The following PBX3 variants were observed in gnomAD, a reference collection of about 807,000 sequenced individuals.
The protein encoded by PBX3 is PBX homeobox 3, also known as pre-B-cell leukemia transcription factor 3.
Under a neutral mutation model 48.5 loss-of-function variants are expected in PBX3, and 14 were observed. The ratio of observed to expected loss-of-function variants is 0.29; its 90% confidence interval spans 0.19 to 0.45. The LOEUF (loss-of-function observed/expected upper bound fraction) is 0.45, where lower values mean the gene tolerates loss of function less well. Among genes scored for constraint, PBX3 ranks in the 20% least tolerant of loss-of-function variants. The pLI, the probability that PBX3 is intolerant of heterozygous loss-of-function variation, is 1.00. For missense variants in PBX3, 386 were observed against 546.7 expected, an observed-to-expected ratio of 0.71 and a Z score of 2.93; for synonymous variants, 210 against 200.3, an observed-to-expected ratio of 1.05 and a Z score of -0.41.
At chr9:125,856,695 G>A (rs1023274324) in intron 2 of PBX3, among the ~76,000 whole-genome samples, 30 of 152,306 alleles carry the variant, frequency 2.0e-4, no homozygotes, top group African/African-American at 6.0e-4. Context: ...TGATGTCACT[G>A]TTAGACATAA....
chr9:125,884,544 T>C (rs553731550), intron 2 of PBX3, among the ~76,000 whole-genome samples: 1 of 152,342 alleles, frequency 6.6e-6, no homozygotes, highest in Non-Finnish European at 1.5e-5. Context: ...ACTCTCTTGG[T>C]TGAGGAGTTA....
chr9:125,953,875 A>G (rs1842245671), intron 5 of PBX3, among the ~76,000 whole-genome samples: 1 of 96,240 alleles, frequency 1.0e-5, no homozygotes, highest in Non-Finnish European at 2.8e-5. Context: ...CACTCTGCAA[A>G]CTTGGGGGGA....
Position 125,929,635 on chromosome 9 carries a change from A to ATTT in PBX3, c.517-13_517-11dup. The ATTT allele has an allele frequency of 6.4e-7, 1 of 1,551,752 alleles. No individual in the cohort carries two copies. On this transcript the variant is annotated intron_variant, in intron 3 of 8. Coordinates refer to ENST00000373489, the MANE Select transcript of PBX3 (RefSeq NM_006195.6). ...ATAGTAGATAGTTTCCAAAGGAGTG[A>ATTT]TTTTTTTTTCCCATTACAGGCATGT...
intron 2 of PBX3, among the ~76,000 whole-genome samples, chr9:125,893,119 A>G (rs1840689275): frequency 1.3e-5 from 2 of 152,350 alleles, no homozygotes; most frequent in African/African-American, 2.4e-5. Flanking sequence ...TAGCAGCTGT[A>G]AGCAATCCTG....
At chr9:125,793,844 C>T (rs954851429) in intron 2 of PBX3, among the ~76,000 whole-genome samples, 6 of 151,820 alleles carry the variant, frequency 4.0e-5, no homozygotes, top group Admixed American at 6.6e-5. Context: ...AAATGTAATA[C>T]GTTATATTAA....
intron 2 of PBX3, among the ~76,000 whole-genome samples, chr9:125,813,335 T>A (rs1170118995): frequency 6.6e-6 from 1 of 152,066 alleles, no homozygotes; most frequent in Non-Finnish European, 1.5e-5. Context: ...GTAAGTAGGG[T>A]CATGATCATC....
intron 2 of PBX3, among the ~76,000 whole-genome samples, chr9:125,893,126 C>A (rs1002098522): frequency 6.6e-6 from 1 of 152,122 alleles, no homozygotes; most frequent in Non-Finnish European, 1.5e-5. Flanking sequence ...TGTAAGCAAT[C>A]CTGTAGTTCT....
chr9:125,927,237 G>A (rs1488251642), intron 3 of PBX3, among the ~76,000 whole-genome samples: 1 of 152,204 alleles, frequency 6.6e-6, no homozygotes, highest in Non-Finnish European at 1.5e-5. Context: ...TATTAGGTAT[G>A]TATATTGCAT....
chr9:125,928,392 A>ATGTGTGTGTGTGTG (rs112869741), intron 3 of PBX3, among the ~76,000 whole-genome samples: 14 of 140,222 alleles, frequency 1.0e-4, no homozygotes, highest in African/African-American at 2.5e-4. Flanking sequence ...GGGGAAACAA[A>ATGTGTGTGTGTGTG]TGTGTGTGTG....
At position 125,929,770 on chromosome 9, in the gene PBX3, G is replaced by C. The variant is rs1841674359; in HGVS notation, c.632G>C (p.Ser211Thr). The C allele has an allele frequency of 1.2e-6, 2 of 1,613,840 alleles. No homozygotes were observed. The highest frequency in any genetic ancestry group is 2.7e-5 in the African/African-American group (2 of 74,896). ...RMVGIIHRKF[S>T]SIQMQLKQST... ...GTGGGCATCATCCATCGAAAATTTA[G>C]TTCCATTCAGATGCAGCTCAAACAA... The change falls in exon 4 of 9, where the codon AGT becomes ACT. Residue 211 changes from serine (S) to threonine (T), a missense_variant. Physicochemically the swap from Ser to Thr is moderately conservative, Grantham distance 58. Coordinates refer to ENST00000373489, the MANE Select transcript of PBX3 (RefSeq NM_006195.6).
chr9:125,959,779 C>T (rs1842388120), intron 5 of PBX3, among the ~76,000 whole-genome samples: 1 of 152,150 alleles, frequency 6.6e-6, no homozygotes, highest in Non-Finnish European at 1.5e-5. Context: ...TAAACTGTTG[C>T]TTTAATAAAA....
intron 2 of PBX3, among the ~76,000 whole-genome samples, chr9:125,832,438 A>G (rs1466458545): frequency 1.3e-5 from 2 of 151,892 alleles, no homozygotes; most frequent in African/African-American, 2.4e-5. Flanking sequence ...CTCGTGATCC[A>G]CCCGCCTCGG....
chr9:125,787,798 A>G (rs74352067), intron 2 of PBX3, among the ~76,000 whole-genome samples: 3,066 of 152,312 alleles, frequency 0.02, 173 homozygotes, highest in East Asian at 0.17. Flanking sequence ...GGCGGAGTAA[A>G]AGACTGTTAT....
chr9:125,796,570 G>A (rs1195908204), intron 2 of PBX3, among the ~76,000 whole-genome samples: 1 of 152,118 alleles, frequency 6.6e-6, no homozygotes, highest in East Asian at 1.9e-4. Flanking sequence ...GAGATATATT[G>A]TCTGCAGTAG....
rs368413490 is a variant in PBX3, at chr9:125,812,712, C to T, written c.274+64089C>T. Among the ~76,000 whole-genome samples, 3 of 152,332 alleles carry T rather than the reference C, an allele frequency of 2.0e-5. No individual in the cohort carries two copies. The East Asian group carries it at 5.8e-4, about 29-fold the overall frequency. On this transcript the variant is annotated intron_variant, in intron 2 of 8. Transcript: ENST00000373489. ...CATTGTGAGAACATCATACAGTGTTCTTACACAAGCTTAAATGATATAGCC... is the reference window on the plus strand; with the variant it reads ...CATTGTGAGAACATCATACAGTGTTTTTACACAAGCTTAAATGATATAGCC...
chr9:125,921,654 A>G (rs569713498), intron 3 of PBX3, among the ~76,000 whole-genome samples: 1 of 152,140 alleles, frequency 6.6e-6, no homozygotes, highest in Non-Finnish European at 1.5e-5. Flanking sequence ...TTCCTTAGGC[A>G]TATTGGTCTC....
chr9:125,780,840 G>A (rs1340787217), intron 2 of PBX3, among the ~76,000 whole-genome samples: 59 of 150,158 alleles, frequency 3.9e-4, no homozygotes, highest in African/African-American at 1.3e-3. Flanking sequence ...CTTCCCAGAC[G>A]GGGTGGCTGC....
chr9:125,807,544 G>C (rs1838163355), intron 2 of PBX3, among the ~76,000 whole-genome samples: 1 of 152,120 alleles, frequency 6.6e-6, no homozygotes, highest in Non-Finnish European at 1.5e-5. Flanking sequence ...CATAACCTGC[G>C]TAAGATTCCT....
At chr9:125,947,883 A>G (rs1842098940) in intron 5 of PBX3, among the ~76,000 whole-genome samples, 1 of 152,244 alleles carries the variant, frequency 6.6e-6, no homozygotes, top group South Asian at 2.1e-4. Flanking sequence ...GAGCACTTCA[A>G]GGAAGCTCAA....
Sources: gnomAD v4.1 joint callset for allele counts (sites outside exome capture counted in the v4.1 genomes callset) on GRCh38, gnomAD v4.1.1 for gene constraint, MANE v1.5 for transcripts, NCBI Gene and HGNC (gene_info 2026-07-23, HGNC 2026-07-21) for gene names.